Variants in ADAM7 observed in about 807,000 individuals in gnomAD.
ADAM7 encodes the protein disintegrin and metalloproteinase domain-containing protein 7.
ADAM7 carries 97 observed loss-of-function variants against 102.9 expected under a neutral mutation model. That is an observed-to-expected ratio of 0.94 (90% CI 0.80 to 1.12). The LOEUF is 1.12. Among genes scored for constraint, ADAM7 ranks in the 50% most tolerant of loss-of-function variants. ADAM7 has a pLI of 0.00. For missense variants in ADAM7, 991 were observed against 908.7 expected, an observed-to-expected ratio of 1.09 and a Z score of -1.16; for synonymous variants, 334 against 304.4, an observed-to-expected ratio of 1.10 and a Z score of -1.01.
At chr8:24,481,720 A>G (rs971144382) in intron 8 of ADAM7, among the ~76,000 whole-genome samples, 4 of 152,192 alleles carry the variant, frequency 2.6e-5, no homozygotes, top group African/African-American at 4.8e-5. Flanking sequence ...TTGAAAACCA[A>G]TACCAACTTT....
At chr8:24,465,822 T>C (rs1819405642) in intron 5 of ADAM7, 47 bp downstream of exon 5, 4 of 1,428,744 alleles carry the variant, frequency 2.8e-6, no homozygotes, top group Non-Finnish European at 3.8e-6. Flanking sequence ...TTCCTATGGA[T>C]TTTCAAAGAA....
At chr8:24,492,358 GT>G (rs1371131283) in intron 14 of ADAM7, 136 bp from the exon 15 acceptor site, 3 of 743,840 alleles carry the variant, frequency 4.0e-6, no homozygotes, top group African/African-American at 3.6e-5. Context: ...CAATAGGATA[GT>G]TTTTAAATAA....
chr8:24,483,003 T>A (rs572747847), intron 9 of ADAM7, among the ~76,000 whole-genome samples: 108 of 152,200 alleles, frequency 7.1e-4, no homozygotes, highest in African/African-American at 2.3e-3. Context: ...CACCTCACTC[T>A]CTGAACATTT....
At chr8:24,485,188 T>C in intron 9 of ADAM7, 89 bp from the exon 10 acceptor site, 1 of 1,160,922 alleles carries the variant, frequency 8.6e-7, no homozygotes, top group South Asian at 1.3e-5. Context: ...GCAAAAGCAT[T>C]GGCATTGCTG....
chr8:24,473,669 A>G (rs1473760056), intron 7 of ADAM7, among the ~76,000 whole-genome samples: 2 of 152,150 alleles, frequency 1.3e-5, no homozygotes, highest in African/African-American at 2.4e-5. Context: ...TTGGTAACAG[A>G]TCTAGACATG....
chr8:24,465,790 C>T lies in ADAM7; in HGVS notation c.389+15C>T. The T allele has an allele frequency of 3.2e-6, 5 of 1,558,282 alleles. No homozygotes were observed. The highest frequency in any genetic ancestry group is 4.3e-6 in the Non-Finnish European group (5 of 1,150,898). ...AATGGTCTAAGGTAATGCAGAATAT[C>T]TTTCTTTTTCCTTTATGAGTTTTCC... On this transcript the variant is annotated intron_variant, in intron 5 of 21. Transcript: ENST00000175238.
intron 7 of ADAM7, among the ~76,000 whole-genome samples, chr8:24,470,381 GAGT>G: frequency 6.6e-6 from 1 of 152,060 alleles, no homozygotes; most frequent in African/African-American, 2.4e-5. Flanking sequence ...AGTAAAGTGT[GAGT>G]ATTAAAACTT....
rs760753455 is a variant in ADAM7, at chr8:24,500,828, G to A, written c.2041G>A (p.Val681Ile). 11 of 1,613,192 alleles carry A rather than the reference G, an allele frequency of 6.8e-6. No individual in the cohort carries two copies. The African/African-American group carries it at 9.4e-5, about 14-fold the overall frequency. ...ILVVVLVLVIVGIGVLILLVR... is the reference protein window; with the variant it reads ...ILVVVLVLVIIGIGVLILLVR... ...GGTTGTTGTGCTTGTCCTGGTTATT[G>A]TCGGTATCGGAGTTCTTATACTATT... The change falls in exon 19 of 22, where the codon GTC becomes ATC. Residue 681 changes from valine (V) to isoleucine (I), a missense_variant. Val to Ile is a conservative substitution (Grantham distance 29, BLOSUM62 3). Coordinates refer to ENST00000175238, the MANE Select transcript of ADAM7 (RefSeq NM_003817.4).
chr8:24,478,538 C>T (rs1819844804), intron 8 of ADAM7, among the ~76,000 whole-genome samples: 1 of 152,124 alleles, frequency 6.6e-6, no homozygotes, highest in African/African-American at 2.4e-5. Flanking sequence ...TGAAATTCAT[C>T]ATAGTCACAG....
At chr8:24,494,898 T>C (rs1820502078) in intron 16 of ADAM7, among the ~76,000 whole-genome samples, 2 of 152,142 alleles carry the variant, frequency 1.3e-5, no homozygotes, top group African/African-American at 2.4e-5. Flanking sequence ...AGGGAAAAAT[T>C]CTATGGTCTG....
chr8:24,451,539 G>T (rs577530225), intron 3 of ADAM7, among the ~76,000 whole-genome samples: 7 of 151,816 alleles, frequency 4.6e-5, no homozygotes, highest in Non-Finnish European at 7.4e-5. Flanking sequence ...TTCTTCTCTC[G>T]TTTCTTCTTT....
intron 7 of ADAM7, among the ~76,000 whole-genome samples, chr8:24,474,564 G>C (rs912501150): frequency 6.6e-6 from 1 of 151,996 alleles, no homozygotes; most frequent in Non-Finnish European, 1.5e-5. Context: ...GCTAGGTTCT[G>C]AGTATTAATG....
chr8:24,490,257 A>C (rs1169449684), intron 12 of ADAM7: 3 of 152,618 alleles, frequency 2.0e-5, no homozygotes, highest in African/African-American at 7.2e-5. Flanking sequence ...GTCCATATGC[A>C]TTCTTTGGAA....
intron 12 of ADAM7, chr8:24,490,307 C>G (rs571445009): frequency 6.5e-6 from 1 of 153,422 alleles, no homozygotes; most frequent in African/African-American, 2.4e-5. Flanking sequence ...GGTACCTTAT[C>G]CGGCCACACT....
intron 2 of ADAM7, among the ~76,000 whole-genome samples, chr8:24,443,086 T>C (rs1181640427): frequency 6.6e-6 from 1 of 152,194 alleles, no homozygotes; most frequent in Admixed American, 6.5e-5. Flanking sequence ...ATAGATAATA[T>C]ATGTAAGAGG....
At chr8:24,506,768 C>T (rs1820964855) in intron 20 of ADAM7, among the ~76,000 whole-genome samples, 2 of 151,654 alleles carry the variant, frequency 1.3e-5, no homozygotes, top group African/African-American at 4.9e-5. Flanking sequence ...CACACACACA[C>T]ACACACACAC....
intron 3 of ADAM7, among the ~76,000 whole-genome samples, chr8:24,462,173 T>A (rs1013490246): frequency 6.6e-6 from 1 of 152,230 alleles, no homozygotes; most frequent in African/African-American, 2.4e-5. Flanking sequence ...GCAAATTCTG[T>A]CTTTTGGGTG....
chr8:24,488,069 GT>G (rs1366732578), intron 11 of ADAM7, among the ~76,000 whole-genome samples: 1 of 152,038 alleles, frequency 6.6e-6, no homozygotes, highest in Non-Finnish European at 1.5e-5. Context: ...CACTCCATTT[GT>G]TTTTTGTCTT....
chr8:24,466,904 T>C lies in ADAM7; in HGVS notation c.495T>C (p.Gly165=). 6.2e-7 allele frequency: 1 copy of C among 1,614,084 alleles called. No homozygotes were observed. The highest frequency in any genetic ancestry group is 8.5e-7 in the Non-Finnish European group (1 of 1,179,962). ...AATATAACCTGAGGGTGCCGTATGG[T>C]GCCAATTATTCCTGTACAGAGCTTA... ...VFKYNLRVPY[G]ANYSCTELNF... Residue 165 remains glycine, a synonymous_variant, in exon 6 of 22, where the codon GGT becomes GGC. Transcript: ENST00000175238.
Sources: gnomAD v4.1 joint callset for allele counts (sites outside exome capture counted in the v4.1 genomes callset) on GRCh38, gnomAD v4.1.1 for gene constraint, MANE v1.5 for transcripts, NCBI Gene and HGNC (gene_info 2026-07-23, HGNC 2026-07-21) for gene names.